The following IGF1R variants were observed in gnomAD, a reference collection of about 807,000 sequenced individuals.
IGF1R encodes insulin-like growth factor 1 receptor.
IGF1R carries 44 observed loss-of-function variants against 144.6 expected under a neutral mutation model. That is an observed-to-expected ratio of 0.30 (90% CI 0.24 to 0.39). The LOEUF is 0.39. Among genes scored for constraint, IGF1R ranks in the 10% least tolerant of loss-of-function variants. The pLI is 1.00. For synonymous variants in IGF1R, 795 were observed against 722.8 expected, an observed-to-expected ratio of 1.10 and a Z score of -1.60; for missense variants, 1,355 against 1,833.7, an observed-to-expected ratio of 0.74 and a Z score of 4.77.
At position 98,648,689 on chromosome 15, in the gene IGF1R, C is replaced by A. The variant is rs2052251882; in HGVS notation, c.-893C>A. ...GAGAGGCGGGAGAGCGAGAGGGACG[C>A]CGCCAGCGAGCCTGCCCACGGCCGG... On this transcript the variant is annotated 5_prime_UTR_variant, in exon 1 of 21. Transcript: ENST00000650285. Among the ~76,000 whole-genome samples, 1 of 147,130 alleles carries A rather than the reference C, an allele frequency of 6.8e-6. No homozygotes were observed. Among genetic ancestry groups the A allele is most frequent in the African/African-American group, 2.4e-5 (1 of 40,928 alleles).
Position 98,904,185 on chromosome 15 carries a change from G to A in IGF1R, c.1248-4500G>A, listed in dbSNP as rs530182953. ...CCCTGCCTCAGCCTCCCGAGTAGCC[G>A]GGACTACAGGCGCTCACCACCACGC... On this transcript the variant is annotated intron_variant, in intron 5 of 20. Coordinates refer to ENST00000650285, the MANE Select transcript of IGF1R (RefSeq NM_000875.5). Among the ~76,000 whole-genome samples the A allele has an allele frequency of 1.7e-3, 264 of 151,800 alleles. 2 individuals are homozygous for A. The highest frequency in any genetic ancestry group is 6.8e-4 in the African/African-American group (28 of 41,394).
intron 1 of IGF1R, among the ~76,000 whole-genome samples, chr15:98,674,354 A>G (rs1207662841): frequency 6.6e-6 from 1 of 152,190 alleles, no homozygotes; most frequent in Non-Finnish European, 1.5e-5. Flanking sequence ...ATAAATGTAT[A>G]TTAAAGAAAT....
intron 2 of IGF1R, among the ~76,000 whole-genome samples, chr15:98,752,399 C>T (rs894655144): frequency 2.6e-5 from 4 of 152,120 alleles, no homozygotes; most frequent in African/African-American, 9.7e-5. Context: ...ATATGTGAGC[C>T]TTGGCTGGGC....
intron 2 of IGF1R, among the ~76,000 whole-genome samples, chr15:98,747,720 T>A (rs2054904306): frequency 6.6e-6 from 1 of 152,208 alleles, no homozygotes; most frequent in South Asian, 2.1e-4. Context: ...GTTGACACTC[T>A]GTGGTCGGGA....
intron 1 of IGF1R, among the ~76,000 whole-genome samples, chr15:98,696,748 A>G (rs963330943): frequency 1.7e-4 from 26 of 152,090 alleles, no homozygotes; most frequent in Non-Finnish European, 1.5e-5. Flanking sequence ...TGCTCAGGAG[A>G]AAGGTCTTCA....
chr15:98,907,467 G>T (rs1275466043), intron 5 of IGF1R, among the ~76,000 whole-genome samples: 1 of 152,200 alleles, frequency 6.6e-6, no homozygotes, highest in Non-Finnish European at 1.5e-5. Flanking sequence ...TTATACATTA[G>T]ATCTGTGAGT....
intron 2 of IGF1R, among the ~76,000 whole-genome samples, chr15:98,747,538 G>C (rs1367023175): frequency 1.3e-5 from 2 of 152,140 alleles, no homozygotes; most frequent in Non-Finnish European, 2.9e-5. Context: ...GTGCCAAGTC[G>C]ATTAATTGAA....
chr15:98,699,675 G>A (rs547238287), intron 1 of IGF1R, among the ~76,000 whole-genome samples: 1 of 152,280 alleles, frequency 6.6e-6, no homozygotes. Context: ...TGTCTTAAGT[G>A]GCGTGGCAGG....
chr15:98,667,496 C>G (rs926087487), intron 1 of IGF1R, among the ~76,000 whole-genome samples: 1 of 152,224 alleles, frequency 6.6e-6, no homozygotes, highest in Non-Finnish European at 1.5e-5. Context: ...GAGGGACGCG[C>G]TGCTAGAGAC....
chr15:98,786,102 G>T (rs1036075864), intron 2 of IGF1R, among the ~76,000 whole-genome samples: 1 of 152,198 alleles, frequency 6.6e-6, no homozygotes, highest in African/African-American at 2.4e-5. Context: ...GCTTCAGCGA[G>T]TACAGCCTTG....
intron 10 of IGF1R, 173 bp downstream of exon 10, chr15:98,917,049 C>T: frequency 1.4e-6 from 1 of 697,680 alleles, no homozygotes; most frequent in Admixed American, 2.0e-5. Flanking sequence ...CCTGCGGAAG[C>T]CAGTCAGCCC....
chr15:98,921,923 G>C (rs568898520), intron 10 of IGF1R, among the ~76,000 whole-genome samples: 2 of 151,962 alleles, frequency 1.3e-5, no homozygotes, highest in East Asian at 1.9e-4. Flanking sequence ...TCTGAGAGCC[G>C]GGGGGTGGGG....
chr15:98,738,678 A>G (rs191060524), intron 2 of IGF1R, among the ~76,000 whole-genome samples: 2 of 152,166 alleles, frequency 1.3e-5, no homozygotes, highest in African/African-American at 2.4e-5. Flanking sequence ...GAATTTCTCT[A>G]TTAAGGTTAT....
At chr15:98,936,968 C>T (rs2016178256) in intron 17 of IGF1R, among the ~76,000 whole-genome samples, 2 of 152,232 alleles carry the variant, frequency 1.3e-5, no homozygotes, top group Non-Finnish European at 1.5e-5. Flanking sequence ...TCACTGCAAC[C>T]TCCACCACCT....
chr15:98,959,674 G>GACAGC lies in IGF1R; in HGVS notation c.*2236_*2240dup. 4.3e-6 allele frequency: 1 copy of GACAGC among 233,672 alleles called. No homozygotes were observed. Among genetic ancestry groups the GACAGC allele is most frequent in the Non-Finnish European group, 8.5e-6 (1 of 118,010 alleles). 14.5% of individuals were successfully genotyped at this position (233,672 alleles called of 1,614,324 possible). A position where few individuals can be genotyped will look rare whatever the true frequency, so the allele number is the denominator to read the frequency against. On this transcript the variant is annotated 3_prime_UTR_variant, in exon 21 of 21. Transcript: ENST00000650285. ...TTTTAGCACTTCTCACCAGAGAGAT[G>GACAGC]ACAGCACAAGAGTTGCTTCTGGGAT...
chr15:98,729,655 C>T (rs2054452385), intron 2 of IGF1R, among the ~76,000 whole-genome samples: 1 of 151,764 alleles, frequency 6.6e-6, no homozygotes, highest in African/African-American at 2.4e-5. Flanking sequence ...GTCCCGTTCC[C>T]TGGAGACAGT....
intron 2 of IGF1R, among the ~76,000 whole-genome samples, chr15:98,810,725 T>C (rs1471322177): frequency 3.3e-5 from 5 of 151,990 alleles, no homozygotes; most frequent in Non-Finnish European, 5.9e-5. Flanking sequence ...ATTTTTCGTA[T>C]TTTTAGTAGA....
chr15:98,758,204 A>G (rs984550368), intron 2 of IGF1R, among the ~76,000 whole-genome samples: 2 of 147,262 alleles, frequency 1.4e-5, no homozygotes, highest in Non-Finnish European at 3.0e-5. Context: ...AAAATTTTAA[A>G]GTGTTTTTTT....
intron 5 of IGF1R, among the ~76,000 whole-genome samples, 173 bp downstream of exon 5, chr15:98,899,794 A>C (rs762371488): frequency 2.0e-5 from 3 of 152,128 alleles, no homozygotes; most frequent in Non-Finnish European, 4.4e-5. Context: ...ATGGTTCTCC[A>C]TTCTTAGGAG....
Sources: allele counts gnomAD v4.1 joint callset (sites outside exome capture counted in the v4.1 genomes callset), GRCh38; gene constraint gnomAD v4.1.1; transcripts MANE v1.5; gene names NCBI Gene and HGNC (gene_info 2026-07-23, HGNC 2026-07-21).